The following GABRG3 variants were observed in gnomAD, a reference collection of about 807,000 sequenced individuals.
The protein encoded by GABRG3 is gamma-aminobutyric acid type A receptor subunit gamma3.
GABRG3 carries 25 observed loss-of-function variants against 48.8 expected under a neutral mutation model. That is an observed-to-expected ratio of 0.51 (90% CI 0.37 to 0.72). The LOEUF is 0.72. GABRG3 is among the 30% of genes least tolerant of loss of function. GABRG3 has a pLI of 0.00. For missense variants in GABRG3, 394 were observed against 577.9 expected (o/e 0.68, Z 3.26); for synonymous variants, 227 against 217.6 (o/e 1.04, Z -0.38).
chr15:27,142,095 C>T lies in GABRG3; in HGVS notation c.270+115274C>T, dbSNP rs147867202. On this transcript the variant is annotated intron_variant, in intron 3 of 9. Coordinates refer to ENST00000615808, the MANE Select transcript of GABRG3 (RefSeq NM_033223.5). ...CCTCTTTTTAATTTGAATTTACATT[C>T]AGTATTTCACAATTTATAATTTCAT... 7.4e-4 allele frequency among the ~76,000 whole-genome samples: 112 copies of T among 152,246 alleles called. No homozygotes were observed. The East Asian group carries it at 0.017, about 23-fold the overall frequency.
At chr15:27,101,191 AC>A (rs1897350176) in intron 3 of GABRG3, among the ~76,000 whole-genome samples, 1 of 152,222 alleles carries the variant, frequency 6.6e-6, no homozygotes, top group African/African-American at 2.4e-5. Flanking sequence ...AAAATTAAAA[AC>A]ATAATAGTTT....
chr15:27,010,387 T>C (rs550523386), intron 2 of GABRG3, among the ~76,000 whole-genome samples: 1 of 152,332 alleles, frequency 6.6e-6, no homozygotes, highest in South Asian at 2.1e-4. Flanking sequence ...AGCAGCTAAT[T>C]AAATATTCTA....
chr15:27,014,065 G>A lies in GABRG3; in HGVS notation c.203-12689G>A, dbSNP rs537081859. On this transcript the variant is annotated intron_variant, in intron 2 of 9. Transcript: ENST00000615808. The stretch of plus-strand genomic sequence containing the variant: ...ATGTTTTGTAGTTTTTGGTGTATAA[G>A]TCCTTTGCCTCTTTAGTACAATTGG... Among the ~76,000 whole-genome samples the A allele has an allele frequency of 3.3e-5, 5 of 152,156 alleles. No individual in the cohort carries two copies. In the South Asian group the frequency reaches 1.0e-3, roughly 32 times the overall value.
At chr15:27,108,034 T>C (rs1897481838) in intron 3 of GABRG3, among the ~76,000 whole-genome samples, 2 of 151,998 alleles carry the variant, frequency 1.3e-5, no homozygotes, top group South Asian at 2.1e-4. Flanking sequence ...GTTATGTTGA[T>C]TTTCTCTATT....
At chr15:27,341,884 A>G (rs1363802145) in intron 5 of GABRG3, among the ~76,000 whole-genome samples, 1 of 152,190 alleles carries the variant, frequency 6.6e-6, no homozygotes, top group Non-Finnish European at 1.5e-5. Context: ...TATCTCTGAC[A>G]ACTGTGTTGG....
At chr15:27,024,562 C>A (rs1318221577) in intron 2 of GABRG3, among the ~76,000 whole-genome samples, 2 of 152,174 alleles carry the variant, frequency 1.3e-5, no homozygotes, top group African/African-American at 4.8e-5. Context: ...AAAAGACTGT[C>A]CGTTCCCTCA....
chr15:27,533,803 G>A lies in GABRG3; in HGVS notation c.*922G>A, dbSNP rs193009531. ...ACCTGTTATCTTGAAGACATACACC[G>A]GAATGTGAAAGACATGTAGATAAAA... is the stretch of plus-strand genomic sequence containing the variant. On this transcript the variant is annotated 3_prime_UTR_variant, in exon 10 of 10. Transcript: ENST00000615808. The A allele has an allele frequency of 6.6e-5, 10 of 152,144 alleles. No individual in the cohort carries two copies. The highest frequency in any genetic ancestry group is 1.2e-4 in the Non-Finnish European group (8 of 67,988). The allele number at this position is 152,144 out of a possible 1,614,324, so 9.4% of individuals were successfully genotyped here.
At chr15:27,378,896 T>C (rs554612652) in intron 5 of GABRG3, among the ~76,000 whole-genome samples, 2 of 152,296 alleles carry the variant, frequency 1.3e-5, no homozygotes, top group East Asian at 3.9e-4. Flanking sequence ...CTGGATGAAG[T>C]GGGTCTTCTC....
intron 3 of GABRG3, among the ~76,000 whole-genome samples, chr15:27,034,401 G>A (rs1171260364): frequency 6.6e-6 from 1 of 152,156 alleles, no homozygotes; most frequent in Non-Finnish European, 1.5e-5. Context: ...TTTAAAAAAA[G>A]AAGTGAAAAA....
chr15:27,261,092 G>T (rs1008100458), intron 3 of GABRG3, among the ~76,000 whole-genome samples: 2 of 152,004 alleles, frequency 1.3e-5, no homozygotes, highest in Admixed American at 6.6e-5. Context: ...AAACAAATAC[G>T]CAAACTTTAA....
intron 3 of GABRG3, among the ~76,000 whole-genome samples, chr15:27,320,899 T>C (rs952437220): frequency 6.6e-6 from 1 of 152,254 alleles, no homozygotes; most frequent in South Asian, 2.1e-4. Context: ...AAAAAGGGCC[T>C]GGGTTGCATT....
At chr15:27,341,247 G>GT (rs989748727) in intron 5 of GABRG3, among the ~76,000 whole-genome samples, 6 of 152,204 alleles carry the variant, frequency 3.9e-5, no homozygotes, top group Middle Eastern at 3.4e-3. Context: ...TTTTAAGTAT[G>GT]TTTTTTCTTT....
rs558087165 is a variant in GABRG3, at chr15:27,022,412, C to T, written c.203-4342C>T. Among the ~76,000 whole-genome samples, 8 of 152,204 alleles carry T rather than the reference C, an allele frequency of 5.3e-5. No individual in the cohort carries two copies. In the South Asian group the frequency reaches 1.5e-3, roughly 28 times the overall value. The stretch of plus-strand genomic sequence containing the variant: ...ACATCTGTGCCCACCTCAGGGGGCC[C>T]AGGGCCAAATAAGGAACTATCAAAG... On this transcript the variant is annotated intron_variant, in intron 2 of 9. Transcript: ENST00000615808.
At chr15:27,053,412 T>C (rs933050552) in intron 3 of GABRG3, among the ~76,000 whole-genome samples, 4 of 152,090 alleles carry the variant, frequency 2.6e-5, no homozygotes, top group Non-Finnish European at 4.4e-5. Flanking sequence ...CGTCAGAGAA[T>C]TGCAAATCAA....
At chr15:27,437,003 G>C (rs1049470675) in intron 5 of GABRG3, among the ~76,000 whole-genome samples, 96 of 145,808 alleles carry the variant, frequency 6.6e-4, no homozygotes, top group African/African-American at 2.4e-3. Flanking sequence ...AATAGAGAGA[G>C]AGAGAGAGAG....
chr15:27,210,348 C>T (rs756630321), intron 3 of GABRG3, among the ~76,000 whole-genome samples: 25 of 152,222 alleles, frequency 1.6e-4, no homozygotes, highest in Non-Finnish European at 3.2e-4. Flanking sequence ...ATCATGAACA[C>T]GTTTTCCTGC....
At chr15:27,286,566 C>G (rs1258646615) in intron 3 of GABRG3, among the ~76,000 whole-genome samples, 1 of 150,474 alleles carries the variant, frequency 6.6e-6, no homozygotes, top group East Asian at 1.9e-4. Flanking sequence ...TTAAATCTTC[C>G]CAATAATTAG....
At chr15:27,501,136 A>G (rs980488366) in intron 6 of GABRG3, among the ~76,000 whole-genome samples, 5 of 152,014 alleles carry the variant, frequency 3.3e-5, no homozygotes, top group Non-Finnish European at 7.4e-5. Flanking sequence ...TATTTTTAGT[A>G]GAGACAGGGT....
At chr15:27,113,900 A>T (rs1371466452) in intron 3 of GABRG3, among the ~76,000 whole-genome samples, 1 of 152,180 alleles carries the variant, frequency 6.6e-6, no homozygotes, top group African/African-American at 2.4e-5. Context: ...CCCTTTACTT[A>T]CTAGTTTGAG....
Sources: gnomAD v4.1 joint callset for allele counts (sites outside exome capture counted in the v4.1 genomes callset) on GRCh38, gnomAD v4.1.1 for gene constraint, MANE v1.5 for transcripts, NCBI Gene and HGNC (gene_info 2026-07-23, HGNC 2026-07-21) for gene names.